The following FAM13A variants were observed in gnomAD, a reference collection of about 807,000 sequenced individuals.
FAM13A encodes protein FAM13A.
A neutral mutation model predicts 129.6 loss-of-function variants in FAM13A; 76 were observed. The ratio of observed to expected loss-of-function variants is 0.59; its 90% CI spans 0.49 to 0.71. The LOEUF is 0.71. FAM13A is among the 30% of genes least tolerant of loss of function. The pLI is 0.00. For synonymous variants in FAM13A, 443 were observed against 449.9 expected (o/e 0.98, Z 0.20); for missense variants, 1,108 against 1,249.3 (o/e 0.89, Z 1.70).
At chr4:88,840,098 C>T (rs551614158) in intron 7 of FAM13A, among the ~76,000 whole-genome samples, 2 of 152,224 alleles carry the variant, frequency 1.3e-5, no homozygotes, top group East Asian at 1.9e-4. Context: ...GAAAAGATAT[C>T]CAGGAAGGCC....
At position 88,789,551 on chromosome 4, in the gene FAM13A, G is replaced by A. The variant is rs140301048; in HGVS notation, c.1091+1035C>T. 4.6e-5 allele frequency among the ~76,000 whole-genome samples: 7 copies of A among 152,250 alleles called. No homozygotes were observed. The East Asian group carries it at 1.3e-3, about 29-fold the overall frequency. ...TAATGGAAACATATGTGAGCAAGGA[G>A]CTGTTCTGTCATTCAGTGACTATTT... On this transcript the variant is annotated intron_variant, in intron 9 of 23. Coordinates refer to ENST00000264344, the MANE Select transcript of FAM13A (RefSeq NM_014883.4).
chr4:88,851,439 T>G (rs545888457), intron 6 of FAM13A, among the ~76,000 whole-genome samples: 1 of 152,168 alleles, frequency 6.6e-6, no homozygotes, highest in African/African-American at 2.4e-5. Context: ...ACATTTCTAT[T>G]CTGGCAGAAA....
intron 4 of FAM13A, among the ~76,000 whole-genome samples, chr4:88,987,890 T>C (rs1762464769): frequency 6.7e-6 from 1 of 148,512 alleles, no homozygotes; most frequent in Non-Finnish European, 1.5e-5. Context: ...ATATATGACT[T>C]ATAGATTATA....
At chr4:88,871,895 G>T (rs1306726331) in intron 6 of FAM13A, among the ~76,000 whole-genome samples, 1 of 152,174 alleles carries the variant, frequency 6.6e-6, no homozygotes, top group East Asian at 1.9e-4. Flanking sequence ...CAGCCAGAGA[G>T]AAAGGTCGGG....
chr4:88,893,327 A>T (rs941843488), intron 6 of FAM13A, among the ~76,000 whole-genome samples: 2 of 152,222 alleles, frequency 1.3e-5, no homozygotes, highest in South Asian at 4.2e-4. Flanking sequence ...GCTGCCGTAC[A>T]ATAAGAAACA....
intron 21 of FAM13A, among the ~76,000 whole-genome samples, chr4:88,734,834 C>G (rs1560839051): frequency 6.6e-6 from 1 of 152,188 alleles, no homozygotes; most frequent in Non-Finnish European, 1.5e-5. Flanking sequence ...CTCAGAAAGG[C>G]CAAAATGAAT....
At chr4:88,971,126 G>A (rs918680476) in intron 4 of FAM13A, among the ~76,000 whole-genome samples, 3 of 152,182 alleles carry the variant, frequency 2.0e-5, no homozygotes, top group Non-Finnish European at 4.4e-5. Flanking sequence ...CATGAGGCAG[G>A]AGAATGGCAT....
chr4:88,739,046 T>C lies in FAM13A; in HGVS notation c.2546A>G (p.Asn849Ser), dbSNP rs1301064822. The part of the protein sequence containing the change: ...RLVKQILSRA[N>S]TIPIIGSPSS... ...TCTACTCACAATGATGGGTATGGTGTTAGCTCGGGAGAGGATCTGTTTGAC... is the reference window on the plus strand; with the variant it reads ...TCTACTCACAATGATGGGTATGGTGCTAGCTCGGGAGAGGATCTGTTTGAC... Residue 849 changes from asparagine (N) to serine (S), a missense_variant, in exon 20 of 24, where the codon AAC becomes AGC. This residue lies in a region of FAM13A where 529 missense variants were observed against 621.2 expected (regional missense o/e 0.85). Transcript: ENST00000264344. The C allele has an allele frequency of 6.2e-7, 1 of 1,612,772 alleles. No homozygotes were observed. The highest frequency in any genetic ancestry group is 1.7e-5 in the Admixed American group (1 of 60,018).
intron 6 of FAM13A, among the ~76,000 whole-genome samples, chr4:88,860,802 A>G (rs1739364431): frequency 6.6e-6 from 1 of 152,224 alleles, no homozygotes; most frequent in Admixed American, 6.5e-5. Flanking sequence ...AACCCTGTCC[A>G]CAAAGCCAGC....
intron 6 of FAM13A, among the ~76,000 whole-genome samples, chr4:88,868,001 CCAAA>C (rs1421778546): frequency 2.0e-5 from 3 of 152,038 alleles, no homozygotes; most frequent in Non-Finnish European, 4.4e-5. Context: ...TCTAAAGTTT[CCAAA>C]CAGAGAAGTT....
chr4:88,772,728 G>A (rs953209573), intron 11 of FAM13A, among the ~76,000 whole-genome samples: 22 of 152,126 alleles, frequency 1.4e-4, no homozygotes, highest in African/African-American at 4.8e-4. Context: ...GCTTACAATT[G>A]GGTAAAATCA....
intron 3 of FAM13A, among the ~76,000 whole-genome samples, chr4:89,001,456 G>A (rs903394506): frequency 1.3e-5 from 2 of 152,186 alleles, no homozygotes; most frequent in Admixed American, 1.3e-4. Context: ...GATACACACT[G>A]AAAATGGAAA....
chr4:88,934,006 C>G (rs866657427), intron 5 of FAM13A, among the ~76,000 whole-genome samples: 1 of 152,076 alleles, frequency 6.6e-6, no homozygotes, highest in African/African-American at 2.4e-5. Context: ...CTGTACTGGC[C>G]TCTCAACTGC....
rs766119027 is a variant in FAM13A, at chr4:88,728,637, T to C, written c.2968A>G (p.Thr990Ala). The change falls in exon 24 of 24, where the codon ACT becomes GCT. Residue 990 changes from threonine (T) to alanine (A), a missense_variant. This residue lies in a region of FAM13A where 529 missense variants were observed against 621.2 expected (regional missense o/e 0.85). Coordinates refer to ENST00000264344, the MANE Select transcript of FAM13A (RefSeq NM_014883.4). ...NGRNVQKEDR[T>A]PMAEEYSEYK... ...TCACTGTATTCTTCAGCCATAGGAGTGCGGTCTTCCTTCTGGACATTTCTA... is the reference window on the plus strand; with the variant it reads ...TCACTGTATTCTTCAGCCATAGGAGCGCGGTCTTCCTTCTGGACATTTCTA... 5 of 1,614,106 alleles carry C rather than the reference T, an allele frequency of 3.1e-6. No homozygotes were observed. The East Asian group carries it at 1.1e-4, about 36-fold the overall frequency.
chr4:89,005,797 G>A (rs1764917400), intron 3 of FAM13A, among the ~76,000 whole-genome samples: 1 of 152,056 alleles, frequency 6.6e-6, no homozygotes. Context: ...CTTCCTTATA[G>A]AGGCTGGATA....
Position 88,825,795 on chromosome 4 carries a change from C to T in FAM13A, c.1008-20743G>A, listed in dbSNP as rs555546247. On this transcript the variant is annotated intron_variant, in intron 7 of 23. Transcript: ENST00000264344. ...AAATTAAGTTGCCCTATCAACATTC[C>T]TCTAACATGCCACATTACATAAAAT... Among the ~76,000 whole-genome samples the T allele has an allele frequency of 3.3e-5, 5 of 150,088 alleles. No homozygotes were observed. In the South Asian group the frequency reaches 1.1e-3, roughly 32 times the overall value.
chr4:88,970,392 T>C (rs1276440075), intron 4 of FAM13A, among the ~76,000 whole-genome samples: 1 of 151,532 alleles, frequency 6.6e-6, no homozygotes, highest in Non-Finnish European at 1.5e-5. Flanking sequence ...GAAAAGAAAA[T>C]ATCACTAAAT....
At position 88,731,987 on chromosome 4, in the gene FAM13A, A is replaced by AC. The variant is rs1560829429; in HGVS notation, c.2843+14dup. The AC allele has an allele frequency of 1.9e-6, 3 of 1,584,348 alleles. No homozygotes were observed. The highest frequency in any genetic ancestry group is 2.6e-6 in the Non-Finnish European group (3 of 1,164,200). On this transcript the variant is annotated intron_variant, in intron 22 of 23. Coordinates refer to ENST00000264344, the MANE Select transcript of FAM13A (RefSeq NM_014883.4). ...TTTACCAAAACATTTCACCACCACCACCAAAATGACATACATTGAGGCAGC... is the reference window on the plus strand; with the variant it reads ...TTTACCAAAACATTTCACCACCACCACCCAAAATGACATACATTGAGGCAGC...
At chr4:88,871,446 C>T (rs148749642) in intron 6 of FAM13A, among the ~76,000 whole-genome samples, 1,916 of 152,170 alleles carry the variant, frequency 0.013, 35 homozygotes, top group African/African-American at 0.041. Flanking sequence ...TAGAGAAGAC[C>T]TTAAAGGACC....
Sources: allele counts gnomAD v4.1 joint callset (sites outside exome capture counted in the v4.1 genomes callset), GRCh38; gene constraint gnomAD v4.1.1; regional missense constraint gnomAD v4.1.1; transcripts MANE v1.5; gene names NCBI Gene and HGNC (gene_info 2026-07-23, HGNC 2026-07-21).